Variants in GRIA4 observed in about 807,000 individuals in gnomAD.
GRIA4 encodes glutamate ionotropic receptor AMPA type subunit 4.
Under a neutral mutation model 104.0 loss-of-function variants are expected in GRIA4, and 34 were observed. The observed-to-expected ratio is 0.33, with a 90% CI of 0.25 to 0.44. The LOEUF (loss-of-function observed/expected upper bound fraction) is 0.44. GRIA4 is among the 20% of genes least tolerant of loss of function. The probability of loss-of-function intolerance (pLI) is 1.00; values close to 1 mark genes in which losing one functional copy is unlikely to be tolerated. For missense variants in GRIA4, 750 were observed against 1,096.5 expected (o/e 0.68, Z 4.46); for synonymous variants, 386 against 381.9 (o/e 1.01, Z -0.13).
intron 3 of GRIA4, among the ~76,000 whole-genome samples, chr11:105,627,112 G>T (rs555202523): frequency 6.6e-6 from 1 of 152,260 alleles, no homozygotes; most frequent in East Asian, 1.9e-4. Context: ...GGTGTTGGGG[G>T]GAAATTCAGA....
intron 3 of GRIA4, among the ~76,000 whole-genome samples, chr11:105,701,479 G>A (rs1591101155): frequency 6.6e-6 from 1 of 152,284 alleles, no homozygotes; most frequent in East Asian, 1.9e-4. Context: ...ATGATTTTAA[G>A]TAAAGCATTT....
At chr11:105,908,379 G>A (rs1189818406) in intron 9 of GRIA4, among the ~76,000 whole-genome samples, 1 of 152,046 alleles carries the variant, frequency 6.6e-6, no homozygotes, top group African/African-American at 2.4e-5. Flanking sequence ...TCAGTCATGG[G>A]AAAAGTTCTT....
chr11:105,954,939 T>A (rs970045320), intron 14 of GRIA4, among the ~76,000 whole-genome samples: 6 of 146,992 alleles, frequency 4.1e-5, no homozygotes, highest in African/African-American at 1.2e-4. Context: ...TAATGCCATA[T>A]AAAATGTTAT....
chr11:105,889,209 A>G (rs530666103), intron 6 of GRIA4, among the ~76,000 whole-genome samples: 6 of 152,352 alleles, frequency 3.9e-5, no homozygotes, highest in Non-Finnish European at 7.4e-5. Flanking sequence ...TAATATTTGT[A>G]ATACTACAAA....
intron 3 of GRIA4, among the ~76,000 whole-genome samples, chr11:105,640,008 A>C (rs1208878580): frequency 6.6e-6 from 1 of 151,904 alleles, no homozygotes; most frequent in East Asian, 1.9e-4. Context: ...TGATTTTTTA[A>C]ATCAGTAATA....
intron 2 of GRIA4, 57 bp from the exon 3 acceptor site, chr11:105,612,219 G>T: frequency 6.6e-7 from 1 of 1,506,660 alleles, no homozygotes; most frequent in South Asian, 1.1e-5. Context: ...TGCTTGGGGT[G>T]GGTATAATGT....
intron 3 of GRIA4, among the ~76,000 whole-genome samples, chr11:105,715,652 T>A (rs1306247222): frequency 6.6e-6 from 1 of 152,226 alleles, no homozygotes; most frequent in Non-Finnish European, 1.5e-5. Context: ...AATTCTGTAC[T>A]AGTTAGAATA....
intron 3 of GRIA4, among the ~76,000 whole-genome samples, chr11:105,735,058 T>C (rs1938846361): frequency 6.6e-6 from 1 of 152,174 alleles, no homozygotes; most frequent in Non-Finnish European, 1.5e-5. Flanking sequence ...TATTTGTATG[T>C]TCTCAGCCCC....
chr11:105,660,178 C>A (rs1342018933), intron 3 of GRIA4, among the ~76,000 whole-genome samples: 1 of 151,222 alleles, frequency 6.6e-6, no homozygotes, highest in Non-Finnish European at 1.5e-5. Flanking sequence ...AAGATAATTC[C>A]CTAGATCTCA....
In GRIA4 at chr11:105,905,250, A is replaced by T; in HGVS notation, c.1107A>T (p.Arg369Ser). 1 of 1,610,088 alleles carries T rather than the reference A, an allele frequency of 6.2e-7. No individual in the cohort carries two copies. The highest frequency in any genetic ancestry group is 8.5e-7 in the Non-Finnish European group (1 of 1,176,368). Reference sequence around the variant, plus strand: ...TTCAGTTTGACCACTATGGACGTAGAGTCAATTACACAATGGATGTGTTTG... The same window carrying T: ...TTCAGTTTGACCACTATGGACGTAGTGTCAATTACACAATGGATGTGTTTG... ...GNVQFDHYGR[R>S]VNYTMDVFEL... is the part of the protein sequence containing the mutation. The change falls in exon 9 of 17, where the codon AGA (arginine) becomes AGT (serine). Residue 369 changes from arginine (R) to serine (S), a missense_variant. Transcript: ENST00000282499.
chr11:105,964,719 T>C (rs1948817727), intron 14 of GRIA4, among the ~76,000 whole-genome samples: 1 of 152,168 alleles, frequency 6.6e-6, no homozygotes, highest in African/African-American at 2.4e-5. Context: ...TATTGGGTCA[T>C]TTAAAAACTG....
At chr11:105,870,548 A>G (rs1470646860) in intron 5 of GRIA4, among the ~76,000 whole-genome samples, 1 of 38,632 alleles carries the variant, frequency 2.6e-5, no homozygotes, top group Non-Finnish European at 6.0e-5. Context: ...GGAAAGGTAC[A>G]AAAAAAAAAA....
At position 105,911,775 on chromosome 11, in the gene GRIA4, AATATAT is replaced by A. The variant is rs60005308; in HGVS notation, c.1269+1259_1269+1264del. 3.7e-3 allele frequency: 273 copies of A among 74,638 alleles called. 15 individuals carry two copies. Among genetic ancestry groups the A allele is most frequent in the African/African-American group, 0.013 (185 of 14,494 alleles). The allele number at this position is 74,638 out of a possible 1,614,324, so 4.6% of individuals were successfully genotyped here. A position where few individuals can be genotyped will look rare whatever the true frequency, so the allele number is the denominator to read the frequency against. ...AATATTTGCATGGGACTTGAAAAGCAATATATATATATATATATATATATATATATA... is the reference window on the plus strand; with the variant it reads ...AATATTTGCATGGGACTTGAAAAGCAATATATATATATATATATATATATA... On this transcript the variant is annotated intron_variant, in intron 10 of 16. Transcript: ENST00000282499.
intron 3 of GRIA4, among the ~76,000 whole-genome samples, chr11:105,649,533 A>T (rs1002934295): frequency 1.3e-5 from 2 of 152,144 alleles, no homozygotes; most frequent in African/African-American, 4.8e-5. Context: ...TTTGATCTAC[A>T]TTAGTACTGG....
intron 4 of GRIA4, among the ~76,000 whole-genome samples, chr11:105,844,812 A>G (rs1303220668): frequency 1.3e-5 from 2 of 152,198 alleles, no homozygotes; most frequent in African/African-American, 4.8e-5. Flanking sequence ...TATTGCACAC[A>G]CACAAACACA....
intron 5 of GRIA4, among the ~76,000 whole-genome samples, chr11:105,875,339 C>T (rs1198341602): frequency 1.3e-5 from 2 of 152,150 alleles, no homozygotes; most frequent in Non-Finnish European, 2.9e-5. Context: ...AGGATTTTCG[C>T]ATTGATGTTC....
intron 3 of GRIA4, among the ~76,000 whole-genome samples, chr11:105,683,883 C>T (rs551560478): frequency 1.3e-5 from 2 of 148,172 alleles, no homozygotes; most frequent in African/African-American, 4.9e-5. Context: ...GAAATAAATG[C>T]TTTTTTTTTT....
At chr11:105,709,814 G>A (rs915137227) in intron 3 of GRIA4, among the ~76,000 whole-genome samples, 2 of 152,062 alleles carry the variant, frequency 1.3e-5, no homozygotes, top group African/African-American at 2.4e-5. Context: ...GAGGCAGTAC[G>A]TAGATTACAA....
At chr11:105,617,806 A>T (rs1950638651) in intron 3 of GRIA4, among the ~76,000 whole-genome samples, 1 of 152,066 alleles carries the variant, frequency 6.6e-6, no homozygotes, top group South Asian at 2.1e-4. Flanking sequence ...GTAGTTGCTG[A>T]CCTTAAGGAG....
Sources: allele counts gnomAD v4.1 joint callset (sites outside exome capture counted in the v4.1 genomes callset), GRCh38; gene constraint gnomAD v4.1.1; transcripts MANE v1.5; gene names NCBI Gene and HGNC (gene_info 2026-07-23, HGNC 2026-07-21).